ADAMTS2: variants seen among roughly 807,000 people sequenced by gnomAD.
ADAMTS2 encodes the protein ADAM metallopeptidase with thrombospondin type 1 motif 2.
ADAMTS2 carries 50 observed loss-of-function variants against 123.0 expected under a neutral mutation model. That is an observed-to-expected ratio of 0.41 (90% CI 0.32 to 0.51). The LOEUF is 0.51. Among genes scored for constraint, ADAMTS2 ranks in the 20% least tolerant of loss-of-function variants. The pLI, the probability that ADAMTS2 is intolerant of heterozygous loss-of-function variation, is 0.35. For missense variants in ADAMTS2, 1,494 were observed against 1,705.2 expected, an observed-to-expected ratio of 0.88 and a Z score of 2.18; for synonymous variants, 678 against 695.4, an observed-to-expected ratio of 0.98 and a Z score of 0.39.
chr5:179,146,839 A>C (rs1763257966), intron 10 of ADAMTS2, among the ~76,000 whole-genome samples: 2 of 152,196 alleles, frequency 1.3e-5, no homozygotes, highest in African/African-American at 2.4e-5. Flanking sequence ...TAATAAATAA[A>C]TTAGAAAATG....
chr5:179,144,066 A>G (rs963076680), intron 10 of ADAMTS2, among the ~76,000 whole-genome samples: 2 of 152,220 alleles, frequency 1.3e-5, no homozygotes, highest in Admixed American at 1.3e-4. Context: ...TAAAGCTAAC[A>G]AACAAATTAA....
intron 3 of ADAMTS2, among the ~76,000 whole-genome samples, chr5:179,244,202 G>A (rs1765730861): frequency 6.6e-6 from 1 of 152,114 alleles, no homozygotes; most frequent in Non-Finnish European, 1.5e-5. Flanking sequence ...AATGCCAAGA[G>A]ATCCACACCC....
chr5:179,139,803 G>A, intron 11 of ADAMTS2, 87 bp downstream of exon 11: 3 of 1,574,782 alleles, frequency 1.9e-6, no homozygotes, highest in Admixed American at 1.7e-5. Flanking sequence ...CAGCCACAGG[G>A]CCCTCCAGGA....
At chr5:179,183,709 CA>C (rs780665575) in intron 4 of ADAMTS2, among the ~76,000 whole-genome samples, 10 of 152,226 alleles carry the variant, frequency 6.6e-5, no homozygotes, top group Admixed American at 6.5e-4. Context: ...AGGGCAAGCC[CA>C]GGGGGGCACT....
intron 3 of ADAMTS2, among the ~76,000 whole-genome samples, chr5:179,251,687 T>C (rs2113469872): frequency 6.6e-6 from 1 of 152,172 alleles, no homozygotes; most frequent in Non-Finnish European, 1.5e-5. Flanking sequence ...CTCCTAGGCA[T>C]ATACCTAAGA....
At chr5:179,311,707 A>G (rs970149622) in intron 2 of ADAMTS2, among the ~76,000 whole-genome samples, 1 of 152,076 alleles carries the variant, frequency 6.6e-6, no homozygotes, top group Admixed American at 6.5e-5. Flanking sequence ...GAGTTTAGCT[A>G]GAATCCCCGA....
chr5:179,294,388 A>G (rs1407807177), intron 2 of ADAMTS2, among the ~76,000 whole-genome samples: 10 of 152,322 alleles, frequency 6.6e-5, no homozygotes, highest in African/African-American at 2.4e-4. Context: ...TTGGTGACTC[A>G]ATCCCATGAA....
chr5:179,343,636 A>G, intron 2 of ADAMTS2, 131 bp downstream of exon 2: 1 of 1,296,298 alleles, frequency 7.7e-7, no homozygotes, highest in Non-Finnish European at 1.1e-6. Flanking sequence ...CACGAGGCTC[A>G]CTAAAGCACG....
chr5:179,322,506 C>T (rs1757214294), intron 2 of ADAMTS2, among the ~76,000 whole-genome samples: 1 of 152,220 alleles, frequency 6.6e-6, no homozygotes, highest in South Asian at 2.1e-4. Context: ...ACGCTGGGTC[C>T]TCCCGCAGGC....
intron 2 of ADAMTS2, among the ~76,000 whole-genome samples, chr5:179,294,146 CT>C (rs1305672242): frequency 6.6e-6 from 1 of 151,982 alleles, no homozygotes; most frequent in African/African-American, 2.4e-5. Flanking sequence ...GTCCCAGCTA[CT>C]TGGGAGGCTG....
Position 179,207,681 on chromosome 5 carries a change from G to A in ADAMTS2, c.723C>T (p.Arg241=), listed in dbSNP as rs373732340. 7.8e-5 allele frequency: 125 copies of A among 1,612,880 alleles called. No individual in the cohort carries two copies. Among genetic ancestry groups the A allele is most frequent in the South Asian group, 4.9e-4 (45 of 91,074 alleles). The stretch of plus-strand genomic sequence containing the variant: ...CGTGCTCCTCTAGGACGCCCAGGGC[G>A]CGGCTGAGGCTGTCCAGGCTGTCCA... The part of the protein sequence containing the change: ...ASLDSLDSLS[R]ALGVLEEHAN... The change falls in exon 4 of 22, where the codon CGC becomes CGT. Residue 241 remains arginine, a synonymous_variant. Transcript: ENST00000251582.
At chr5:179,142,699 G>A (rs184795850) in intron 10 of ADAMTS2, among the ~76,000 whole-genome samples, 24 of 152,318 alleles carry the variant, frequency 1.6e-4, no homozygotes, top group Admixed American at 3.3e-4. Flanking sequence ...GGGCAGGGGT[G>A]CAGTCAGGGT....
At chr5:179,335,405 G>A (rs917712016) in intron 2 of ADAMTS2, among the ~76,000 whole-genome samples, 4 of 152,092 alleles carry the variant, frequency 2.6e-5, no homozygotes, top group African/African-American at 9.7e-5. Flanking sequence ...TCTCAATTCA[G>A]ACCAGACACA....
At position 179,343,828 on chromosome 5, in the gene ADAMTS2, A is replaced by G. The variant is rs767117065; in HGVS notation, c.473T>C (p.Val158Ala). The G allele has an allele frequency of 3.1e-6, 5 of 1,608,942 alleles. No homozygotes were observed. Among genetic ancestry groups the G allele is most frequent in the Non-Finnish European group, 4.2e-6 (5 of 1,178,634 alleles). The change falls in exon 2 of 22, where the codon GTC (valine) becomes GCC (alanine). Residue 158 changes from valine (V) to alanine (A), a missense_variant. Val to Ala is a moderately conservative substitution (Grantham distance 64). Transcript: ENST00000251582. Reference protein sequence around the residue: ...VEPLLGSCLYVGDVAGLAEAS... With the variant: ...VEPLLGSCLYAGDVAGLAEAS... The stretch of plus-strand genomic sequence containing the variant: ...TTCGGCTAGGCCGGCCACGTCTCCG[A>G]CGTAGAGACAGCTCCCGAGCAGGGG...
At chr5:179,138,117 T>C (rs1269216016) in intron 11 of ADAMTS2, among the ~76,000 whole-genome samples, 173 bp from the exon 12 acceptor site, 1 of 151,788 alleles carries the variant, frequency 6.6e-6, no homozygotes, top group Non-Finnish European at 1.5e-5. Context: ...ACCTGGGCAG[T>C]TGTCCAGCCT....
rs917067557 is a variant in ADAMTS2, at chr5:179,344,024, G to C, written c.277C>G (p.Arg93Gly). The part of the protein sequence containing the change: ...GVRARRAAPV[R>G]TPSFPGGNEE... ...TTGCCTCCGGGGAAGCTCGGGGTCC[G>C]GACCGGGGCGGCCCTGCGGGCTCGT... Residue 93 changes from arginine (R) to glycine (G), a missense_variant, in exon 2 of 22, where the codon CGG (arginine) becomes GGG (glycine). This residue lies in a region of ADAMTS2 where 237 missense variants were observed against 233.7 expected (regional missense o/e 1.01). Coordinates refer to ENST00000251582, the MANE Select transcript of ADAMTS2 (RefSeq NM_014244.5). 6.2e-7 allele frequency: 1 copy of C among 1,612,612 alleles called. No homozygotes were observed. The highest frequency in any genetic ancestry group is 8.5e-7 in the Non-Finnish European group (1 of 1,179,870).
At chr5:179,236,337 G>T (rs469090) in intron 3 of ADAMTS2, among the ~76,000 whole-genome samples, 2 of 152,060 alleles carry the variant, frequency 1.3e-5, no homozygotes, top group Non-Finnish European at 2.9e-5. Flanking sequence ...AGCCACTCCC[G>T]TAAGGGTGAA....
intron 3 of ADAMTS2, among the ~76,000 whole-genome samples, chr5:179,246,670 G>A (rs762200709): frequency 6.6e-6 from 1 of 152,310 alleles, no homozygotes; most frequent in Non-Finnish European, 1.5e-5. Flanking sequence ...CTAAGACAGA[G>A]TTGTAAACAG....
chr5:179,129,084 G>A lies in ADAMTS2; in HGVS notation c.2457+848C>T, dbSNP rs1762913672. On this transcript the variant is annotated intron_variant, in intron 16 of 21. Transcript: ENST00000251582. The surrounding 1 kb of genome is among the most constrained non-coding windows in gnomAD (Gnocchi z 4.1). ...CTGTGCGTGTCCGTTTGGGGCTCACGAATCAATTTTAGTGAGCAGGTGAAT... is the reference window on the plus strand; with the variant it reads ...CTGTGCGTGTCCGTTTGGGGCTCACAAATCAATTTTAGTGAGCAGGTGAAT... 6.6e-6 allele frequency among the ~76,000 whole-genome samples: 1 copy of A among 152,192 alleles called. No individual in the cohort carries two copies.
Sources: allele counts gnomAD v4.1 joint callset (sites outside exome capture counted in the v4.1 genomes callset), GRCh38; gene constraint gnomAD v4.1.1; regional missense constraint gnomAD v4.1.1; non-coding constraint Gnocchi (gnomAD v3.1); transcripts MANE v1.5; gene names NCBI Gene and HGNC (gene_info 2026-07-23, HGNC 2026-07-21).